The following LRRC20 variants were observed in gnomAD, a reference collection of about 807,000 sequenced individuals.
The protein encoded by LRRC20 is leucine rich repeat containing 20.
In LRRC20, 11 loss-of-function variants were observed where a neutral mutation model predicts 14.4. The ratio of observed to expected loss-of-function variants is 0.77; its 90% CI spans 0.48 to 1.27. LRRC20 has a LOEUF of 1.27. Ranked by LOEUF, LRRC20 falls within the 50% of genes most tolerant of loss-of-function variation. The pLI is 0.00. For synonymous variants in LRRC20, 121 were observed against 107.3 expected (o/e 1.13, Z -0.79); for missense variants, 219 against 251.2 (o/e 0.87, Z 0.87).
At chr10:70,332,975 A>G (rs1197866274) in intron 3 of LRRC20, among the ~76,000 whole-genome samples, 3 of 152,228 alleles carry the variant, frequency 2.0e-5, no homozygotes, top group African/African-American at 7.2e-5. Context: ...CGTTTTTCAA[A>G]TGAAGACTTA....
At chr10:70,318,218 C>T (rs941744373) in intron 4 of LRRC20, among the ~76,000 whole-genome samples, 3 of 152,170 alleles carry the variant, frequency 2.0e-5, no homozygotes, top group Non-Finnish European at 2.9e-5. Context: ...AATCAGAAAG[C>T]CGGGGGTCAG....
chr10:70,329,151 G>A (rs76086767), intron 3 of LRRC20, among the ~76,000 whole-genome samples: 2,468 of 152,242 alleles, frequency 0.016, 89 homozygotes, highest in African/African-American at 0.057. Context: ...GCTAGACAGC[G>A]GGAAATCGTG....
At chr10:70,375,275 C>T (rs1412497174) in intron 2 of LRRC20, among the ~76,000 whole-genome samples, 1 of 152,200 alleles carries the variant, frequency 6.6e-6, no homozygotes, top group African/African-American at 2.4e-5. Flanking sequence ...CACACGTTTA[C>T]AAAGTGCCTG....
At chr10:70,366,583 A>T (rs192580488) in intron 2 of LRRC20, among the ~76,000 whole-genome samples, 4 of 152,326 alleles carry the variant, frequency 2.6e-5, no homozygotes, top group Admixed American at 6.5e-5. Flanking sequence ...GAGAATGTAT[A>T]CAAGTAAAAA....
rs530303978 is a variant in LRRC20 at position 70,325,902 on chromosome 10, T to G, written c.233-1872A>C. 2.0e-5 allele frequency among the ~76,000 whole-genome samples: 3 copies of G among 152,024 alleles called. 1 individual carries two copies. In the South Asian group the frequency reaches 6.3e-4, roughly 32 times the overall value. Reference sequence around the variant, plus strand: ...AGAAAATAAGCCACAAAATATGAATTTCATGATTCTACACATGATTTTAAT... The same window carrying G: ...AGAAAATAAGCCACAAAATATGAATGTCATGATTCTACACATGATTTTAAT... On this transcript the variant is annotated intron_variant, in intron 3 of 4. Coordinates refer to ENST00000446961, the MANE Select transcript of LRRC20 (RefSeq NM_001278212.2).
Position 70,357,085 on chromosome 10 carries a change from G to A in LRRC20, c.83-16383C>T, listed in dbSNP as rs186689000. On this transcript the variant is annotated intron_variant, in intron 2 of 4. Transcript: ENST00000446961. ...ATGAACCTTGAAAACATTTTGCTAT[G>A]TGAAGGAAGCCAGTCACAAAAGGAC... Among the ~76,000 whole-genome samples the A allele has an allele frequency of 4.8e-4, 73 of 152,316 alleles. No homozygotes were observed. In the East Asian group the frequency reaches 0.011, roughly 23 times the overall value.
At chr10:70,370,392 C>G (rs1342237006) in intron 2 of LRRC20, among the ~76,000 whole-genome samples, 3 of 152,112 alleles carry the variant, frequency 2.0e-5, no homozygotes, top group East Asian at 3.9e-4. Context: ...TAAAGTCCAC[C>G]CAGAATAACC....
At chr10:70,337,107 C>G (rs1017866928) in intron 3 of LRRC20, among the ~76,000 whole-genome samples, 3 of 152,230 alleles carry the variant, frequency 2.0e-5, no homozygotes, top group Non-Finnish European at 2.9e-5. Context: ...GTCCCCAGGG[C>G]AGCCCCAGGA....
intron 2 of LRRC20, among the ~76,000 whole-genome samples, chr10:70,358,174 C>G (rs1843600535): frequency 6.6e-6 from 1 of 152,236 alleles, no homozygotes; most frequent in African/African-American, 2.4e-5. Flanking sequence ...TATGGGGCCT[C>G]AACCTCCCTA....
chr10:70,343,343 T>TG (rs1318038897), intron 2 of LRRC20, among the ~76,000 whole-genome samples: 2 of 152,008 alleles, frequency 1.3e-5, no homozygotes, highest in Admixed American at 6.6e-5. Flanking sequence ...GATGTGGTTT[T>TG]GGGGGGGAAA....
chr10:70,366,295 C>T (rs955204523), intron 2 of LRRC20, among the ~76,000 whole-genome samples: 7 of 151,304 alleles, frequency 4.6e-5, no homozygotes, highest in South Asian at 2.1e-4. Flanking sequence ...TGGTGGCAGG[C>T]GCCTGTAATC....
At chr10:70,368,526 G>C (rs2137140313) in intron 2 of LRRC20, among the ~76,000 whole-genome samples, 1 of 151,588 alleles carries the variant, frequency 6.6e-6, no homozygotes, top group East Asian at 1.9e-4. Context: ...CTGACCTCAA[G>C]TGATCTACCC....
intron 2 of LRRC20, among the ~76,000 whole-genome samples, chr10:70,371,791 C>T (rs2137156459): frequency 6.6e-6 from 1 of 152,186 alleles, no homozygotes. Context: ...TGAGGGCCTC[C>T]CAGGGGCCAA....
chr10:70,328,927 T>G (rs1273504249), intron 3 of LRRC20, among the ~76,000 whole-genome samples: 1 of 152,138 alleles, frequency 6.6e-6, no homozygotes, highest in Admixed American at 6.6e-5. Context: ...CTCTTAGAGA[T>G]AGAAGACACA....
chr10:70,349,990 C>T (rs1368346240), intron 2 of LRRC20, among the ~76,000 whole-genome samples: 2 of 152,156 alleles, frequency 1.3e-5, no homozygotes, highest in Non-Finnish European at 2.9e-5. Flanking sequence ...CAGGAGTGAG[C>T]CACAGCATGA....
chr10:70,309,391 GC>G (rs1841555694), intron 4 of LRRC20, among the ~76,000 whole-genome samples: 1 of 152,132 alleles, frequency 6.6e-6, no homozygotes, highest in South Asian at 2.1e-4. Context: ...AGGTTGCCAC[GC>G]CAGTAAGTGG....
chr10:70,367,172 A>G (rs1844036264), intron 2 of LRRC20, among the ~76,000 whole-genome samples: 1 of 151,922 alleles, frequency 6.6e-6, no homozygotes, highest in Non-Finnish European at 1.5e-5. Flanking sequence ...AAAAAATACA[A>G]AAATTAGCCA....
chr10:70,312,304 G>A (rs985165862), intron 4 of LRRC20, among the ~76,000 whole-genome samples: 1 of 152,156 alleles, frequency 6.6e-6, no homozygotes, highest in Non-Finnish European at 1.5e-5. Context: ...TGCCACAAGA[G>A]ACAAGCAAGC....
intron 2 of LRRC20, among the ~76,000 whole-genome samples, chr10:70,367,634 T>A (rs1844065143): frequency 6.6e-6 from 1 of 152,074 alleles, no homozygotes; most frequent in African/African-American, 2.4e-5. Flanking sequence ...ATTTCCATGA[T>A]ATCCTAGAAA....
Sources: allele counts gnomAD v4.1 joint callset (sites outside exome capture counted in the v4.1 genomes callset), GRCh38; gene constraint gnomAD v4.1.1; transcripts MANE v1.5; gene names NCBI Gene and HGNC (gene_info 2026-07-23, HGNC 2026-07-21).